Variants in P4HTM observed in about 807,000 individuals in gnomAD.
The protein encoded by P4HTM is prolyl 4-hydroxylase, transmembrane, also known as transmembrane prolyl 4-hydroxylase.
P4HTM carries 33 observed loss-of-function variants against 55.3 expected under a neutral mutation model. That is an observed-to-expected ratio of 0.60 (90% CI 0.45 to 0.80). The LOEUF (loss-of-function observed/expected upper bound fraction) is 0.80, where lower values mean the gene tolerates loss of function less well. Ranked by LOEUF, P4HTM falls within the 30% of genes least tolerant of loss-of-function variation. The probability of loss-of-function intolerance (pLI) is 0.00; values close to 1 mark genes in which losing one functional copy is unlikely to be tolerated. For missense variants in P4HTM, 542 were observed against 696.5 expected (o/e 0.78, Z 2.50); for synonymous variants, 272 against 286.4 (o/e 0.95, Z 0.51).
upstream of P4HTM, chr3:48,990,083 G>A (rs2092925800): frequency 2.3e-6 from 1 of 436,364 alleles, no homozygotes; most frequent in Non-Finnish European, 3.2e-6. The surrounding 1 kb of genome is among the most constrained non-coding windows in gnomAD (Gnocchi z 7.2). Context: ...GGCTCAAGGC[G>A]CAGGAAGGCC....
chr3:48,995,828 C>T (rs760255182), intron 2 of P4HTM, among the ~76,000 whole-genome samples: 111 of 152,294 alleles, frequency 7.3e-4, no homozygotes, highest in Non-Finnish European at 1.2e-3. Context: ...TCAAGTAATC[C>T]GCCTGCCTCA....
rs1388946044 is a variant in P4HTM at position 49,004,858 on chromosome 3, C to T, written c.888-3C>T. ...GCCCAGCCAAATGCCTGCTGCCCAC[C>T]AGGGTGCTGCGCCTCACTCGCCTGT... On this transcript the variant is annotated splice_region_variant and splice_polypyrimidine_tract_variant and intron_variant, in intron 5 of 8. Transcript: ENST00000383729. 6.2e-7 allele frequency: 1 copy of T among 1,603,424 alleles called. No individual in the cohort carries two copies. The highest frequency in any genetic ancestry group is 1.3e-5 in the African/African-American group (1 of 74,978).
chr3:48,992,662 CTTTTTTTTTTTT>C (rs755087586), intron 2 of P4HTM, among the ~76,000 whole-genome samples: 8 of 89,324 alleles, frequency 9.0e-5, no homozygotes, highest in African/African-American at 3.6e-4. Context: ...GATTAGAACT[CTTTTTTTTTTTT>C]TTTTTTTTTA....
intron 2 of P4HTM, among the ~76,000 whole-genome samples, chr3:48,994,531 G>A (rs1265384046): frequency 9.2e-5 from 14 of 152,154 alleles, no homozygotes; most frequent in Non-Finnish European, 1.5e-4. Context: ...GCCACAAAAG[G>A]CCCACGCTTG....
In P4HTM at chr3:49,002,949, G is replaced by T. The variant is rs2106664795; in HGVS notation, c.724+353G>T. On this transcript the variant is annotated intron_variant, in intron 4 of 8. Transcript: ENST00000383729. This position sits in a 1 kb window ranked among gnomAD's most constrained non-coding sequence, Gnocchi z 4.4. ...GCGACAGTGAGGCCAGCTAGAGCTT[G>T]GCTGTTTACCCTGCTCCATCCATCT... is the stretch of plus-strand genomic sequence containing the variant. 1 of 385,594 alleles carries T rather than the reference G, an allele frequency of 2.6e-6. No individual in the cohort carries two copies. The highest frequency in any genetic ancestry group is 8.6e-4 in the Middle Eastern group (1 of 1,166). 23.9% of individuals were successfully genotyped at this position (385,594 alleles called of 1,614,324 possible).
rs984249401 is a variant in P4HTM, at chr3:49,002,843, C to T, written c.724+247C>T. The T allele has an allele frequency of 5.2e-6, 3 of 577,682 alleles. No individual in the cohort carries two copies. Among genetic ancestry groups the T allele is most frequent in the Middle Eastern group, 5.8e-4 (2 of 3,450 alleles). The allele number at this position is 577,682 out of a possible 1,614,324, so 35.8% of individuals were successfully genotyped here. A position where few individuals can be genotyped will look rare whatever the true frequency, so the allele number is the denominator to read the frequency against. On this transcript the variant is annotated intron_variant, in intron 4 of 8. Transcript: ENST00000383729. The surrounding 1 kb of genome is among the most constrained non-coding windows in gnomAD (Gnocchi z 4.4). ...CAGTTCTTGGAGACCCTTTTGATAA[C>T]ATCAGGCAGAGTTGAGAGCCTGGGG...
chr3:49,004,022 G>C, intron 4 of P4HTM, 76 bp from the exon 5 acceptor site: 2 of 1,415,858 alleles, frequency 1.4e-6, no homozygotes, highest in Non-Finnish European at 1.9e-6. Flanking sequence ...CTTTGGGGTA[G>C]GTAGGGAAGT....
chr3:48,990,765 G>A lies in P4HTM; in HGVS notation c.355-68G>A, dbSNP rs923716707. On this transcript the variant is annotated intron_variant, in intron 1 of 8. Transcript: ENST00000383729. The surrounding 1 kb of genome is among the most constrained non-coding windows in gnomAD (Gnocchi z 7.2). ...CGCCTGCTGTCGCTCTCCGGGCCGG[G>A]GCGACTTGGCCCTTCTTGGGCAGCG... 1 of 1,554,480 alleles carries A rather than the reference G, an allele frequency of 6.4e-7. No individual in the cohort carries two copies.
At chr3:48,995,622 G>T (rs982566000) in intron 2 of P4HTM, among the ~76,000 whole-genome samples, 9 of 151,564 alleles carry the variant, frequency 5.9e-5, no homozygotes, top group African/African-American at 2.2e-4. Context: ...TCGCTCTGTT[G>T]CCCAGGCTGG....
Position 49,007,017 on chromosome 3 carries a change from C to A in P4HTM, c.*110C>A. ...CTAAAGGTCTGGCCAATGTCTTGCC[C>A]CACCCCGCCAGCCGCGATACGGCGC... On this transcript the variant is annotated 3_prime_UTR_variant, in exon 9 of 9. Transcript: ENST00000383729. The surrounding 1 kb of genome is among the most constrained non-coding windows in gnomAD (Gnocchi z 5.1). The A allele has an allele frequency of 1.1e-6, 1 of 889,064 alleles. No homozygotes were observed. The highest frequency in any genetic ancestry group is 1.7e-6 in the Non-Finnish European group (1 of 580,598). 55.1% of individuals were successfully genotyped at this position (889,064 alleles called of 1,614,324 possible).
rs748505925 is a variant in P4HTM, at chr3:49,005,049, A to G, written c.1073+3A>G. 3 of 1,614,034 alleles carry G rather than the reference A, an allele frequency of 1.9e-6. No individual in the cohort carries two copies. The highest frequency in any genetic ancestry group is 1.1e-5 in the South Asian group (1 of 91,086). ...GTACCCTTCGAGACCTCCTGCCGGC[A>G]AGTATCTCCCAACTGGGGGCTGCCT... On this transcript the variant is annotated splice_donor_region_variant and intron_variant, in intron 6 of 8. Transcript: ENST00000383729.
At chr3:49,001,740 C>A in intron 3 of P4HTM, 112 bp downstream of exon 3, 1 of 939,322 alleles carries the variant, frequency 1.1e-6, no homozygotes, top group Non-Finnish European at 1.6e-6. Flanking sequence ...AGATACTACC[C>A]AGACCTGCCT....
At chr3:48,997,656 C>G (rs2092949673) in intron 2 of P4HTM, 1 of 152,246 alleles carries the variant, frequency 6.6e-6, no homozygotes, top group African/African-American at 2.4e-5. Context: ...GTCTGATGCT[C>G]TGCCCTTAGA....
At chr3:48,998,534 C>T (rs973098261) in intron 2 of P4HTM, among the ~76,000 whole-genome samples, 1 of 152,216 alleles carries the variant, frequency 6.6e-6, no homozygotes, top group African/African-American at 2.4e-5. Flanking sequence ...CATCTCAGCC[C>T]TCAGCTCTGC....
rs1353177724 is a variant in P4HTM, at chr3:49,004,109, C to G, written c.736C>G (p.Leu246Val). 1.9e-6 allele frequency: 3 copies of G among 1,557,228 alleles called. No individual in the cohort carries two copies. Among genetic ancestry groups the G allele is most frequent in the Middle Eastern group, 3.8e-4 (2 of 5,216 alleles). The change falls in exon 5 of 9, where the codon CTG (leucine) becomes GTG (valine). Residue 246 changes from leucine (L) to valine (V), a missense_variant. Around this residue, in one of 2 missense-constraint regions of P4HTM, gnomAD observed 536 missense variants for 672.1 expected, o/e 0.80. Coordinates refer to ENST00000383729, the MANE Select transcript of P4HTM (RefSeq NM_177939.3). ...ADPDGDGVLS[L>V]QEFSNMDLRD... ...GGTGCCCTGTGCAGGAGTGCTGAGTCTGCAGGAGTTCTCCAACATGGACCT... is the reference window on the plus strand; with the variant it reads ...GGTGCCCTGTGCAGGAGTGCTGAGTGTGCAGGAGTTCTCCAACATGGACCT...
chr3:49,000,995 T>G (rs2106660709), intron 2 of P4HTM: 1 of 268,294 alleles, frequency 3.7e-6, no homozygotes, highest in African/African-American at 2.2e-5. Context: ...ATTGGATGTC[T>G]TGTGCTGTTT....
Position 48,990,391 on chromosome 3 carries a change from G to A in P4HTM, c.135G>A (p.Pro45=), listed in dbSNP as rs1230825433. The change falls in exon 1 of 9, where the codon CCG becomes CCA. Residue 45 remains proline (P), a synonymous_variant. Transcript: ENST00000383729. The surrounding 1 kb of genome is among the most constrained non-coding windows in gnomAD (Gnocchi z 7.2). Reference sequence around the variant, plus strand: ...GGCTGGGCGACGGCGAGGACGCACCGGTGCGTCCGCTGTGCAAGCCCCGCG... The same window carrying A: ...GGCTGGGCGACGGCGAGGACGCACCAGTGCGTCCGCTGTGCAAGCCCCGCG... The part of the protein sequence containing the change: ...AAGLGDGEDA[P]VRPLCKPRGI... 1.9e-6 allele frequency: 3 copies of A among 1,574,818 alleles called. No homozygotes were observed. Among genetic ancestry groups the A allele is most frequent in the East Asian group, 2.4e-5 (1 of 42,134 alleles).
At position 48,999,046 on chromosome 3, in the gene P4HTM, T is replaced by C. The variant is rs769464149; in HGVS notation, c.437-2392T>C. Among the ~76,000 whole-genome samples, 13 of 152,160 alleles carry C rather than the reference T, an allele frequency of 8.5e-5. No individual in the cohort carries two copies. The highest frequency in any genetic ancestry group is 2.1e-4 in the South Asian group (1 of 4,832). ...GACATTCAAGAGCCCTTGACCACCATTGATGGTCTCCTGCCTAAGGGCACC... is the reference window on the plus strand; with the variant it reads ...GACATTCAAGAGCCCTTGACCACCACTGATGGTCTCCTGCCTAAGGGCACC... On this transcript the variant is annotated intron_variant, in intron 2 of 8. Coordinates refer to ENST00000383729, the MANE Select transcript of P4HTM (RefSeq NM_177939.3). The surrounding 1 kb of genome is among the most constrained non-coding windows in gnomAD (Gnocchi z 4.8).
In P4HTM at chr3:48,990,849, A is replaced by T; in HGVS notation, c.371A>T (p.Lys124Met). The T allele has an allele frequency of 6.2e-7, 1 of 1,613,884 alleles. No individual in the cohort carries two copies. The change falls in exon 2 of 9, where the codon AAG (lysine) becomes ATG (methionine). Residue 124 changes from lysine (K) to methionine (M), a missense_variant. Coordinates refer to ENST00000383729, the MANE Select transcript of P4HTM (RefSeq NM_177939.3). This position sits in a 1 kb window ranked among gnomAD's most constrained non-coding sequence, Gnocchi z 7.2. Reference protein sequence around the residue: ...LEGIKVGHERKVQLVTDRDHF... With the variant: ...LEGIKVGHERMVQLVTDRDHF... ...TTTCCTTAGGTGGGGCACGAGCGTA[A>T]GGTCCAGCTGGTCACCGACAGGGAT...
Sources: allele counts gnomAD v4.1 joint callset (sites outside exome capture counted in the v4.1 genomes callset), GRCh38; gene constraint gnomAD v4.1.1; regional missense constraint gnomAD v4.1.1; non-coding constraint Gnocchi (gnomAD v3.1); transcripts MANE v1.5; gene names NCBI Gene and HGNC (gene_info 2026-07-23, HGNC 2026-07-21).